Variants in PDSS2 observed in about 807,000 individuals in gnomAD.
The protein encoded by PDSS2 is all trans-polyprenyl-diphosphate synthase PDSS2.
A neutral mutation model predicts 44.5 loss-of-function variants in PDSS2; 31 were observed. The ratio of observed to expected loss-of-function variants is 0.70; its 90% CI spans 0.52 to 0.94. The LOEUF (loss-of-function observed/expected upper bound fraction) is 0.94. PDSS2 is among the 40% of genes least tolerant of loss of function. The probability of loss-of-function intolerance (pLI) is 0.00; values close to 1 mark genes in which losing one functional copy is unlikely to be tolerated. For synonymous variants in PDSS2, 157 were observed against 180.3 expected, an observed-to-expected ratio of 0.87 and a Z score of 1.03; for missense variants, 452 against 482.2, an observed-to-expected ratio of 0.94 and a Z score of 0.59.
intron 2 of PDSS2, among the ~76,000 whole-genome samples, chr6:107,274,600 A>T (rs1446418463): frequency 3.3e-5 from 5 of 151,888 alleles, no homozygotes; most frequent in African/African-American, 1.2e-4. Context: ...ATGGAATTCC[A>T]ATTTAAGTGA....
intron 1 of PDSS2, among the ~76,000 whole-genome samples, chr6:107,408,980 G>A (rs541425086): frequency 5.3e-5 from 8 of 152,266 alleles, no homozygotes; most frequent in African/African-American, 1.9e-4. Flanking sequence ...TTCAAGTCAC[G>A]TAAAATAAAT....
At chr6:107,447,580 C>G (rs1378359643) in intron 1 of PDSS2, among the ~76,000 whole-genome samples, 2 of 152,216 alleles carry the variant, frequency 1.3e-5, no homozygotes, top group Non-Finnish European at 2.9e-5. Flanking sequence ...GGTGGGCTCC[C>G]ACAGTCTTGG....
chr6:107,162,610 A>ATTTTTTTTTTTTTTTTT (rs71012782), intron 7 of PDSS2, among the ~76,000 whole-genome samples: 27 of 115,558 alleles, frequency 2.3e-4, no homozygotes, highest in Non-Finnish European at 2.9e-4. Context: ...GAATTCCCTA[A>ATTTTTTTTTTTTTTTTT]TTTTTTTTTT....
intron 6 of PDSS2, 138 bp from the exon 7 acceptor site, chr6:107,193,992 T>C (rs1301920389): frequency 2.9e-6 from 2 of 680,096 alleles, no homozygotes; most frequent in African/African-American, 1.8e-5. Flanking sequence ...TATTGAACTA[T>C]ATATTATAAT....
intron 2 of PDSS2, among the ~76,000 whole-genome samples, chr6:107,295,223 C>T (rs184287733): frequency 2.0e-5 from 3 of 152,286 alleles, no homozygotes; most frequent in Non-Finnish European, 2.9e-5. Flanking sequence ...CGTGAGCCAC[C>T]GCGCCCGGCC....
Position 107,171,168 on chromosome 6 carries a change from C to T in PDSS2, c.1042-16391G>A, listed in dbSNP as rs6911673. On this transcript the variant is annotated intron_variant, in intron 7 of 7. Coordinates refer to ENST00000369037, the MANE Select transcript of PDSS2 (RefSeq NM_020381.4). The stretch of plus-strand genomic sequence containing the variant: ...TTCTTTTTTGTTCTTTTTTTAAATA[C>T]GCCTTTATTTTGGAGACAGGTCTCA... Among the ~76,000 whole-genome samples the T allele has an allele frequency of 6.6e-3, 1,007 of 152,072 alleles. 12 individuals carry two copies. Among genetic ancestry groups the T allele is most frequent in the African/African-American group, 0.023 (939 of 41,490 alleles).
intron 2 of PDSS2, among the ~76,000 whole-genome samples, chr6:107,316,057 G>A (rs1225118306): frequency 1.3e-5 from 2 of 152,150 alleles, no homozygotes; most frequent in African/African-American, 4.8e-5. Context: ...AAAATAAAAA[G>A]TATGTTATAG....
intron 1 of PDSS2, among the ~76,000 whole-genome samples, chr6:107,349,186 G>A (rs1028400057): frequency 3.9e-5 from 6 of 152,058 alleles, no homozygotes; most frequent in East Asian, 1.9e-4. Context: ...TAATTCCAGC[G>A]CTTTGGGAGG....
chr6:107,371,536 A>ACAATGATTGTAGTTCATTTTT (rs1779128770), intron 1 of PDSS2, among the ~76,000 whole-genome samples: 1 of 152,182 alleles, frequency 6.6e-6, no homozygotes, highest in Non-Finnish European at 1.5e-5. Flanking sequence ...AATCTACTAA[A>ACAATGATTGTAGTTCATTTTT]CAATGATTGT....
chr6:107,407,693 T>C (rs1273943273), intron 1 of PDSS2, among the ~76,000 whole-genome samples: 1 of 152,184 alleles, frequency 6.6e-6, no homozygotes, highest in African/African-American at 2.4e-5. Flanking sequence ...GTAGTACTTA[T>C]TACTAGCAGG....
intron 2 of PDSS2, among the ~76,000 whole-genome samples, chr6:107,282,630 C>T (rs976638591): frequency 6.6e-6 from 1 of 151,652 alleles, no homozygotes; most frequent in Non-Finnish European, 1.5e-5. Flanking sequence ...CTTTGGGAGG[C>T]CGAGGCGGGT....
At chr6:107,457,514 G>C (rs1205508153) in intron 1 of PDSS2, among the ~76,000 whole-genome samples, 1 of 152,138 alleles carries the variant, frequency 6.6e-6, no homozygotes, top group Non-Finnish European at 1.5e-5. Context: ...TCTGTCCTGG[G>C]AATTGAAGGG....
chr6:107,432,288 C>T (rs1036620181), intron 1 of PDSS2, among the ~76,000 whole-genome samples: 13 of 152,160 alleles, frequency 8.5e-5, no homozygotes, highest in Non-Finnish European at 1.9e-4. Flanking sequence ...AGAGACATTA[C>T]CCTGATCATT....
intron 4 of PDSS2, among the ~76,000 whole-genome samples, chr6:107,231,052 T>G (rs78576920): frequency 2.0e-3 from 310 of 152,056 alleles, no homozygotes; most frequent in African/African-American, 7.0e-3. Context: ...CTATTTAAAT[T>G]AAAAAAAATT....
chr6:107,347,256 CTTTTTTTTTTTT>C (rs35184119), intron 1 of PDSS2, among the ~76,000 whole-genome samples: 2 of 90,000 alleles, frequency 2.2e-5, no homozygotes, highest in African/African-American at 8.6e-5. Context: ...ATTATATCTT[CTTTTTTTTTTTT>C]TTTTTTTTTT....
intron 2 of PDSS2, among the ~76,000 whole-genome samples, chr6:107,284,662 CAAA>C (rs59471847): frequency 3.0e-5 from 4 of 134,362 alleles, no homozygotes; most frequent in Admixed American, 7.5e-5. Context: ...ACTTCGTCTC[CAAA>C]AAAAAAAAAA....
chr6:107,348,187 T>C (rs1398217007), intron 1 of PDSS2, among the ~76,000 whole-genome samples: 1 of 152,226 alleles, frequency 6.6e-6, no homozygotes, highest in Non-Finnish European at 1.5e-5. Context: ...GAGAGTATGC[T>C]AATGTTTTTA....
rs765495507 is a variant in PDSS2 at position 107,210,531 on chromosome 6, T to G, written c.916A>C (p.Ser306Arg). The G allele has an allele frequency of 1.2e-6, 2 of 1,602,284 alleles. No individual in the cohort carries two copies. Among genetic ancestry groups the G allele is most frequent in the Admixed American group, 3.3e-5 (2 of 59,964 alleles). ...TTTAGATTAAAAGTCATGGAGTCAC[T>G]GGTCTTTTCTTTAATAAAAGGCTGG... ...DVQPFIKEKT[S>R]DSMTFNLNSA... is the part of the protein sequence containing the mutation. Residue 306 changes from serine (S) to arginine (R), a missense_variant, in exon 6 of 8, where the codon AGT becomes CGT. Ser to Arg is a moderately radical substitution (Grantham distance 110, BLOSUM62 -1). Coordinates refer to ENST00000369037, the MANE Select transcript of PDSS2 (RefSeq NM_020381.4).
At chr6:107,249,150 G>A (rs980958143) in intron 3 of PDSS2, among the ~76,000 whole-genome samples, 3 of 152,168 alleles carry the variant, frequency 2.0e-5, no homozygotes, top group Non-Finnish European at 2.9e-5. Flanking sequence ...TGGCCATATC[G>A]TGAGTATCTC....
Sources: allele counts gnomAD v4.1 joint callset (sites outside exome capture counted in the v4.1 genomes callset), GRCh38; gene constraint gnomAD v4.1.1; transcripts MANE v1.5; gene names NCBI Gene and HGNC (gene_info 2026-07-23, HGNC 2026-07-21).